Variants in RBFOX1 observed in about 807,000 individuals in gnomAD.
The protein encoded by RBFOX1 is RNA binding protein fox-1 homolog 1.
A neutral mutation model predicts 57.7 loss-of-function variants in RBFOX1; 8 were observed. That is an observed-to-expected ratio of 0.14 (90% CI 0.08 to 0.25). The LOEUF (loss-of-function observed/expected upper bound fraction) is 0.25, where lower values mean the gene tolerates loss of function less well. Ranked by LOEUF, RBFOX1 falls within the 10% of genes least tolerant of loss-of-function variation. The pLI is 1.00. For synonymous variants in RBFOX1, 326 were observed against 222.4 expected, an observed-to-expected ratio of 1.47 and a Z score of -4.15; for missense variants, 611 against 548.5, an observed-to-expected ratio of 1.11 and a Z score of -1.14.
intron 1 of RBFOX1, among the ~76,000 whole-genome samples, chr16:6,161,077 G>A (rs931821665): frequency 6.6e-6 from 1 of 152,078 alleles, no homozygotes; most frequent in African/African-American, 2.4e-5. Context: ...ATAAATCATT[G>A]TTAAATAAAT....
intron 1 of RBFOX1, among the ~76,000 whole-genome samples, chr16:6,134,857 T>C (rs752412531): frequency 1.3e-5 from 2 of 151,806 alleles, no homozygotes; most frequent in South Asian, 4.2e-4. Flanking sequence ...TTTTTTTTAT[T>C]ATTATACTTT....
chr16:6,139,460 C>A (rs185038786), intron 1 of RBFOX1, among the ~76,000 whole-genome samples: 1 of 152,146 alleles, frequency 6.6e-6, no homozygotes, highest in Non-Finnish European at 1.5e-5. Flanking sequence ...TACAACCTGC[C>A]CATTCAGCAC....
chr16:5,310,873 T>G (rs2064068959), intron 1 of RBFOX1, among the ~76,000 whole-genome samples: 1 of 152,102 alleles, frequency 6.6e-6, no homozygotes, highest in Non-Finnish European at 1.5e-5. Context: ...GCTTTTGGAG[T>G]CTAAGTGGTT....
chr16:5,422,832 G>A (rs542776284), intron 1 of RBFOX1, among the ~76,000 whole-genome samples: 1 of 141,092 alleles, frequency 7.1e-6, no homozygotes, highest in Non-Finnish European at 1.5e-5. Context: ...GGAGGAGGAG[G>A]GAGGAGCAGA....
At chr16:6,862,490 G>A (rs925187585) in intron 3 of RBFOX1, among the ~76,000 whole-genome samples, 1 of 152,216 alleles carries the variant, frequency 6.6e-6, no homozygotes, top group Non-Finnish European at 1.5e-5. Flanking sequence ...AGGAAAAGGA[G>A]CAAACAGCTC....
intron 1 of RBFOX1, among the ~76,000 whole-genome samples, chr16:5,423,801 A>G (rs558371314): frequency 6.6e-6 from 1 of 151,980 alleles, no homozygotes; most frequent in Non-Finnish European, 1.5e-5. Flanking sequence ...GTTGCATCCA[A>G]CCTGATTTTG....
chr16:6,939,324 C>A (rs1053073349), intron 3 of RBFOX1, among the ~76,000 whole-genome samples: 1 of 151,642 alleles, frequency 6.6e-6, no homozygotes, highest in Admixed American at 6.6e-5. Flanking sequence ...AATAAATTAC[C>A]TAGAGTCACA....
At position 6,908,298 on chromosome 16, in the gene RBFOX1, C is replaced by G. The variant is rs528347774; in HGVS notation, c.-15-143759C>G. Among the ~76,000 whole-genome samples, 56 of 151,806 alleles carry G rather than the reference C, an allele frequency of 3.7e-4. 2 individuals are homozygous for G. The highest frequency in any genetic ancestry group is 7.7e-4 in the Non-Finnish European group (52 of 67,750). On this transcript the variant is annotated intron_variant, in intron 3 of 15. Coordinates refer to ENST00000550418, the MANE Select transcript of RBFOX1 (RefSeq NM_018723.4). ...TGCGGCTCTGGGCAGGCCTGCACCC[C>G]CAGCCTCTGACCATGGCTTGGGCCT...
intron 1 of RBFOX1, among the ~76,000 whole-genome samples, chr16:6,157,683 C>T (rs1482511508): frequency 6.6e-6 from 1 of 151,660 alleles, no homozygotes; most frequent in Non-Finnish European, 1.5e-5. Flanking sequence ...TATATATATG[C>T]CCATATATAA....
chr16:5,552,031 C>T (rs1053730754), intron 2 of RBFOX1, among the ~76,000 whole-genome samples: 1 of 152,164 alleles, frequency 6.6e-6, no homozygotes, highest in Non-Finnish European at 1.5e-5. Context: ...TTCAACTTTT[C>T]TAAGCTCTGG....
At position 6,601,782 on chromosome 16, in the gene RBFOX1, G is replaced by A. The variant is rs533246084; in HGVS notation, c.-63-52821G>A. Among the ~76,000 whole-genome samples the A allele has an allele frequency of 3.3e-5, 5 of 152,326 alleles. No individual in the cohort carries two copies. In the East Asian group the frequency reaches 7.7e-4, roughly 24 times the overall value. The stretch of plus-strand genomic sequence containing the variant: ...AAAGATATAGCTGAGTTTAACCAAA[G>A]CAAACAGGACCTTGCTCAGCCAACT... On this transcript the variant is annotated intron_variant, in intron 2 of 15. Coordinates refer to ENST00000550418, the MANE Select transcript of RBFOX1 (RefSeq NM_018723.4).
At chr16:5,864,039 T>A (rs1475255933) in intron 3 of RBFOX1, among the ~76,000 whole-genome samples, 1 of 152,184 alleles carries the variant, frequency 6.6e-6, no homozygotes, top group Non-Finnish European at 1.5e-5. Context: ...TTTTTCGTGA[T>A]CCTCCCCCTC....
At chr16:7,700,852 T>A (rs1184983058) in intron 14 of RBFOX1, among the ~76,000 whole-genome samples, 1 of 152,128 alleles carries the variant, frequency 6.6e-6, no homozygotes, top group Non-Finnish European at 1.5e-5. Flanking sequence ...AGGTTTTGAA[T>A]GGCATTGGTG....
At chr16:5,688,378 C>T (rs916783642) in intron 3 of RBFOX1, among the ~76,000 whole-genome samples, 1 of 152,256 alleles carries the variant, frequency 6.6e-6, no homozygotes, top group Non-Finnish European at 1.5e-5. Flanking sequence ...GCTACTGCTA[C>T]TAATTTTCCT....
rs540888138 is a variant in RBFOX1 at position 5,832,883 on chromosome 16, G to C, written c.319-34420G>C. 2.6e-5 allele frequency among the ~76,000 whole-genome samples: 4 copies of C among 151,984 alleles called. No homozygotes were observed. The South Asian group carries it at 8.3e-4, about 31-fold the overall frequency. On this transcript the variant is annotated intron_variant, in intron 3 of 19. Coordinates refer to the RBFOX1 transcript ENST00000641259. ...TTGAAGGTTTGCTGCAAATGATAAG[G>C]TTAAAGGGTCCTCAGAGACTTCTTG...
intron 3 of RBFOX1, among the ~76,000 whole-genome samples, chr16:5,625,589 G>A (rs1391057782): frequency 6.7e-6 from 1 of 148,222 alleles, no homozygotes; most frequent in Admixed American, 6.7e-5. Flanking sequence ...ATGGAGTTTT[G>A]CTCTGTCACC....
chr16:7,452,369 A>G (rs993881683), intron 4 of RBFOX1, among the ~76,000 whole-genome samples: 1 of 152,214 alleles, frequency 6.6e-6, no homozygotes, highest in Admixed American at 6.5e-5. Context: ...AGCTTAGAAC[A>G]ACACACGGTG....
At chr16:6,489,867 A>G (rs937055419) in intron 2 of RBFOX1, among the ~76,000 whole-genome samples, 1 of 152,228 alleles carries the variant, frequency 6.6e-6, no homozygotes, top group Non-Finnish European at 1.5e-5. Flanking sequence ...GGAGGGCACA[A>G]TTTGCAGGAT....
At chr16:6,915,455 A>G (rs977855643) in intron 3 of RBFOX1, among the ~76,000 whole-genome samples, 1 of 152,128 alleles carries the variant, frequency 6.6e-6, no homozygotes, top group Non-Finnish European at 1.5e-5. Context: ...ATAACTTTTC[A>G]AAAATTATTC....
Sources: gnomAD v4.1 joint callset for allele counts (sites outside exome capture counted in the v4.1 genomes callset) on GRCh38, gnomAD v4.1.1 for gene constraint, MANE v1.5 for transcripts, NCBI Gene and HGNC (gene_info 2026-07-23, HGNC 2026-07-21) for gene names.